Variants in DIAPH3 observed in about 807,000 individuals in gnomAD.
DIAPH3 encodes the protein protein diaphanous homolog 3.
Under a neutral mutation model 144.3 loss-of-function variants are expected in DIAPH3, and 117 were observed. The observed-to-expected ratio is 0.81, with a 90% confidence interval of 0.70 to 0.95. The LOEUF is 0.95. DIAPH3 is among the 40% of genes least tolerant of loss of function. The pLI, the probability that DIAPH3 is intolerant of heterozygous loss-of-function variation, is 0.00. For missense variants in DIAPH3, 1,421 were observed against 1,412.7 expected (o/e 1.01, Z -0.09); for synonymous variants, 519 against 488.9 (o/e 1.06, Z -0.81).
At chr13:59,686,518 A>G (rs1390997956) in intron 27 of DIAPH3, among the ~76,000 whole-genome samples, 1 of 151,716 alleles carries the variant, frequency 6.6e-6, no homozygotes, top group East Asian at 1.9e-4. Context: ...TCAGGAAAAA[A>G]AAAAAAGTAC....
intron 4 of DIAPH3, among the ~76,000 whole-genome samples, chr13:60,082,147 A>T (rs1054846554): frequency 1.3e-5 from 2 of 152,002 alleles, no homozygotes; most frequent in Admixed American, 6.6e-5. Context: ...GGAATTCAAG[A>T]AAAAAATAGA....
chr13:60,046,585 C>A (rs1020902767), intron 4 of DIAPH3, among the ~76,000 whole-genome samples: 3 of 152,250 alleles, frequency 2.0e-5, no homozygotes, highest in Admixed American at 1.3e-4. Flanking sequence ...GGATCTAGAA[C>A]TAGAAATACC....
chr13:59,899,143 C>T (rs1369615047), intron 20 of DIAPH3, among the ~76,000 whole-genome samples: 1 of 152,168 alleles, frequency 6.6e-6, no homozygotes, highest in East Asian at 1.9e-4. Flanking sequence ...CTAAAGGCTG[C>T]AGTGCCAGCT....
intron 24 of DIAPH3, among the ~76,000 whole-genome samples, chr13:59,828,906 CTCAAGTAGAAGAGAAGTGAGTTA>C (rs2041616283): frequency 1.3e-5 from 2 of 151,458 alleles, no homozygotes; most frequent in Admixed American, 1.3e-4. Flanking sequence ...GTTGAGAATT[CTCAAGTAGAAGAGAAGTGAGTTA>C]AACTGCTGTC....
intron 17 of DIAPH3, among the ~76,000 whole-genome samples, chr13:59,966,869 T>TA (rs1484702270): frequency 6.6e-6 from 1 of 152,210 alleles, no homozygotes; most frequent in Non-Finnish European, 1.5e-5. Flanking sequence ...ACCATTTCTC[T>TA]AAAAAACCCA....
At chr13:60,119,554 C>T (rs1184738038) in intron 2 of DIAPH3, among the ~76,000 whole-genome samples, 5 of 151,098 alleles carry the variant, frequency 3.3e-5, no homozygotes, top group South Asian at 2.1e-4. Flanking sequence ...GAGACCATCC[C>T]GGCTAAAACG....
At chr13:59,903,236 T>C (rs993486551) in intron 20 of DIAPH3, among the ~76,000 whole-genome samples, 1 of 152,234 alleles carries the variant, frequency 6.6e-6, no homozygotes, top group Admixed American at 6.5e-5. Context: ...ATTGATTTTG[T>C]ATCTGGACAT....
intron 20 of DIAPH3, among the ~76,000 whole-genome samples, chr13:59,902,517 T>C (rs1260258000): frequency 3.9e-5 from 6 of 152,188 alleles, no homozygotes; most frequent in African/African-American, 1.2e-4. Context: ...TGTTTCTTTA[T>C]AGTCCTAGCA....
intron 25 of DIAPH3, among the ~76,000 whole-genome samples, chr13:59,808,872 A>G (rs934925879): frequency 6.6e-6 from 1 of 152,204 alleles, no homozygotes; most frequent in African/African-American, 2.4e-5. Context: ...AGAAATGTTT[A>G]CAGTGATTTT....
intron 27 of DIAPH3, among the ~76,000 whole-genome samples, chr13:59,719,157 T>C (rs1023652172): frequency 6.6e-6 from 1 of 152,150 alleles, no homozygotes; most frequent in Non-Finnish European, 1.5e-5. Flanking sequence ...AAAGCCTTCC[T>C]TCCAGAATAT....
intron 22 of DIAPH3, among the ~76,000 whole-genome samples, chr13:59,847,635 A>G (rs1006054266): frequency 6.6e-6 from 1 of 152,212 alleles, no homozygotes; most frequent in Non-Finnish European, 1.5e-5. Flanking sequence ...AACAATATTC[A>G]AAATGTTCCC....
chr13:59,905,270 G>A (rs1046777201), intron 20 of DIAPH3, among the ~76,000 whole-genome samples: 1 of 149,888 alleles, frequency 6.7e-6, no homozygotes, highest in Non-Finnish European at 1.5e-5. Context: ...GTGAACCCGG[G>A]AGCCGGAGCT....
intron 1 of DIAPH3, among the ~76,000 whole-genome samples, chr13:60,150,179 G>A (rs940902490): frequency 2.6e-5 from 4 of 151,982 alleles, no homozygotes; most frequent in Non-Finnish European, 4.4e-5. Flanking sequence ...GCACCACCAC[G>A]CCAGGCTAAC....
chr13:60,011,340 A>G (rs2053249639), intron 7 of DIAPH3, among the ~76,000 whole-genome samples: 1 of 152,166 alleles, frequency 6.6e-6, no homozygotes, highest in African/African-American at 2.4e-5. Context: ...GGCCATGAAA[A>G]TCTTTTTCCT....
chr13:59,978,778 A>G (rs920723471), intron 14 of DIAPH3, among the ~76,000 whole-genome samples: 3 of 151,716 alleles, frequency 2.0e-5, no homozygotes, highest in Non-Finnish European at 4.4e-5. Context: ...GAGTTACTAG[A>G]GCGATATTAC....
intron 17 of DIAPH3, among the ~76,000 whole-genome samples, chr13:59,936,806 C>T (rs1310972810): frequency 1.3e-5 from 2 of 152,148 alleles, no homozygotes; most frequent in Non-Finnish European, 1.5e-5. Flanking sequence ...TATCTGGCCC[C>T]TGTGAATTCT....
intron 5 of DIAPH3, among the ~76,000 whole-genome samples, chr13:60,040,248 A>AAAAG (rs2055551785): frequency 6.6e-6 from 1 of 150,880 alleles, no homozygotes; most frequent in African/African-American, 2.4e-5. Context: ...AAAAAAAAAA[A>AAAAG]AAAGGATCTT....
chr13:59,892,153 C>T (rs1381280406), intron 20 of DIAPH3, among the ~76,000 whole-genome samples: 1 of 151,570 alleles, frequency 6.6e-6, no homozygotes, highest in Non-Finnish European at 1.5e-5. Flanking sequence ...AAAATAAACG[C>T]TATAAATAAA....
At chr13:59,734,334 G>A (rs2036032737) in intron 27 of DIAPH3, among the ~76,000 whole-genome samples, 1 of 152,044 alleles carries the variant, frequency 6.6e-6, no homozygotes, top group African/African-American at 2.4e-5. Context: ...TATGAAAAGT[G>A]GGTCTAATCC....
Sources: gnomAD v4.1 joint callset for allele counts (sites outside exome capture counted in the v4.1 genomes callset) on GRCh38, gnomAD v4.1.1 for gene constraint, MANE v1.5 for transcripts, NCBI Gene and HGNC (gene_info 2026-07-23, HGNC 2026-07-21) for gene names.